The following CHD1L variants were observed in gnomAD, a reference collection of about 807,000 sequenced individuals.
The protein encoded by CHD1L is ATP-dependent chromatin remodeler CHD1L.
In CHD1L, 118 loss-of-function variants were observed where a neutral mutation model predicts 115.9. The ratio of observed to expected loss-of-function variants is 1.02; its 90% CI spans 0.88 to 1.19. The LOEUF (loss-of-function observed/expected upper bound fraction) is 1.19, where lower values mean the gene tolerates loss of function less well. Ranked by LOEUF, CHD1L falls within the 50% of genes most tolerant of loss-of-function variation. The probability of loss-of-function intolerance (pLI) is 0.00; values close to 1 mark genes in which losing one functional copy is unlikely to be tolerated. For missense variants in CHD1L, 1,179 were observed against 1,065.3 expected, an observed-to-expected ratio of 1.11 and a Z score of -1.49; for synonymous variants, 411 against 387.1, an observed-to-expected ratio of 1.06 and a Z score of -0.72.
In CHD1L at chr1:147,294,366, A is replaced by G. The variant is rs375131986; in HGVS notation, c.2507-43A>G. ...CATGTGTATTTTATACCCATCAATC[A>G]ATTTTTGATGAGTGAAGACATGTGT... On this transcript the variant is annotated intron_variant, in intron 21 of 22. Coordinates refer to ENST00000369258, the MANE Select transcript of CHD1L (RefSeq NM_004284.6). 3 of 1,444,492 alleles carry G rather than the reference A, an allele frequency of 2.1e-6. No individual in the cohort carries two copies. The African/African-American group carries it at 4.2e-5, about 20-fold the overall frequency. The allele number at this position is 1,444,492 out of a possible 1,614,324, so 89.5% of individuals were successfully genotyped here. A position where few individuals can be genotyped will look rare whatever the true frequency, so the allele number is the denominator to read the frequency against.
At chr1:147,290,539 C>T (rs11239967) in intron 19 of CHD1L, among the ~76,000 whole-genome samples, 36,818 of 152,118 alleles carry the variant, frequency 0.24, 4,849 homozygotes, top group Non-Finnish European at 0.29. Flanking sequence ...GTAAGCTTGC[C>T]AGGGCCCTTG....
intron 8 of CHD1L, among the ~76,000 whole-genome samples, chr1:147,266,945 A>G (rs1346401146): frequency 1.3e-5 from 2 of 152,212 alleles, no homozygotes; most frequent in Non-Finnish European, 2.9e-5. Context: ...CAGAATACAT[A>G]TAGGGTTTGG....
chr1:147,249,882 G>A (rs782207261), intron 1 of CHD1L, among the ~76,000 whole-genome samples: 28 of 152,044 alleles, frequency 1.8e-4, no homozygotes, highest in African/African-American at 5.3e-4. Flanking sequence ...TGAAGGTCCC[G>A]GAGGGTCATT....
chr1:147,202,176 GT>G, the CHD1L span, among the ~76,000 whole-genome samples: 1 of 151,770 alleles, frequency 6.6e-6, no homozygotes, highest in Non-Finnish European at 1.5e-5. Flanking sequence ...GCTTGTTATT[GT>G]TTCCTAGGGA....
chr1:147,287,757 G>A (rs370054537), intron 19 of CHD1L, 24 bp downstream of exon 19: 8 of 1,594,552 alleles, frequency 5.0e-6, no homozygotes, highest in Non-Finnish European at 6.9e-6. Flanking sequence ...CAGAGGGAAA[G>A]GTTAAGGGTG....
intron 12 of CHD1L, among the ~76,000 whole-genome samples, chr1:147,274,597 G>A (rs1455931714): frequency 6.6e-6 from 1 of 150,996 alleles, no homozygotes; most frequent in Non-Finnish European, 1.5e-5. Flanking sequence ...CAAAGAGAAG[G>A]CTGCAATGTA....
chr1:147,289,922 C>A (rs10900332), intron 19 of CHD1L, among the ~76,000 whole-genome samples: 33,241 of 152,104 alleles, frequency 0.22, 4,211 homozygotes, highest in Middle Eastern at 0.28. Flanking sequence ...TGCCATTCTG[C>A]GCAGAACCTT....
In CHD1L at chr1:147,260,160, G is replaced by A. The variant is rs954053998; in HGVS notation, c.576+242G>A. ...ACTGATGAACCTACATTGATACATCGCTATCACTCAAAGTCCATAGTTTAC... is the reference window on the plus strand; with the variant it reads ...ACTGATGAACCTACATTGATACATCACTATCACTCAAAGTCCATAGTTTAC... On this transcript the variant is annotated intron_variant, in intron 6 of 22. Transcript: ENST00000369258. The A allele has an allele frequency of 2.5e-5, 9 of 353,198 alleles. 1 individual carries two copies. The highest frequency in any genetic ancestry group is 8.2e-5 in the Admixed American group (2 of 24,410). The allele number at this position is 353,198 out of a possible 1,614,324, so 21.9% of individuals were successfully genotyped here.
chr1:147,197,810 C>A, the CHD1L span, among the ~76,000 whole-genome samples: 1,505 of 152,260 alleles, frequency 9.9e-3, 30 homozygotes, highest in African/African-American at 0.034. Flanking sequence ...CTCTGCATTC[C>A]AGAAAGATAG....
the CHD1L span, chr1:147,209,005 C>T: frequency 5.0e-6 from 8 of 1,614,004 alleles, no homozygotes; most frequent in African/African-American, 9.3e-5. Flanking sequence ...TCCGTAGTCC[C>T]CTACACGATT....
At chr1:147,267,322 A>G (rs186484955) in intron 8 of CHD1L, 104 bp from the exon 9 acceptor site, 113 of 731,836 alleles carry the variant, frequency 1.5e-4, no homozygotes, top group Non-Finnish European at 9.1e-6. Context: ...TTCAAAGGAT[A>G]TAATTGAAAT....
the CHD1L span, among the ~76,000 whole-genome samples, chr1:147,228,129 A>G: frequency 3.9e-5 from 6 of 151,966 alleles, no homozygotes; most frequent in African/African-American, 1.5e-4. Context: ...ATTTAATATT[A>G]GGTATATCTC....
chr1:147,216,059 C>T, the CHD1L span: 2 of 682,232 alleles, frequency 2.9e-6, no homozygotes, highest in African/African-American at 1.8e-5. Flanking sequence ...ACACACACAC[C>T]TTCCAGTATT....
rs587747157 is a variant in CHD1L, at chr1:147,246,852, A to AT, written c.127+4028dup. 8.3e-4 allele frequency among the ~76,000 whole-genome samples: 127 copies of AT among 152,138 alleles called. 1 individual carries two copies. The highest frequency in any genetic ancestry group is 3.0e-3 in the African/African-American group (124 of 41,514). On this transcript the variant is annotated intron_variant, in intron 1 of 22. Transcript: ENST00000369258. ...TTGGCTAAAATTTATCAGTTTATCA[A>AT]TTTTTTCTCTTATGGATAGTTTTCT...
chr1:147,185,561 A>G, the CHD1L span, among the ~76,000 whole-genome samples: 2 of 152,312 alleles, frequency 1.3e-5, no homozygotes, highest in African/African-American at 4.8e-5. Context: ...AATTGTTCAA[A>G]TGTTTAAATA....
chr1:147,264,309 C>A, intron 6 of CHD1L, 113 bp from the exon 7 acceptor site: 1 of 957,738 alleles, frequency 1.0e-6, no homozygotes, highest in Non-Finnish European at 1.5e-6. Context: ...CATGTCCCCT[C>A]AGTCATTTCA....
chr1:147,215,070 T>C, the CHD1L span: 2 of 152,134 alleles, frequency 1.3e-5, no homozygotes, highest in Non-Finnish European at 2.9e-5. Context: ...ATAAAATTCT[T>C]TTATGGTCAT....
intron 15 of CHD1L, among the ~76,000 whole-genome samples, chr1:147,282,079 C>A (rs1267524254): frequency 3.3e-5 from 5 of 152,154 alleles, no homozygotes; most frequent in African/African-American, 1.2e-4. Flanking sequence ...TCGATAGTTT[C>A]CCCAACCGTC....
chr1:147,263,089 TTACA>T (rs1197496866), intron 6 of CHD1L, among the ~76,000 whole-genome samples: 7 of 150,612 alleles, frequency 4.6e-5, no homozygotes, highest in African/African-American at 1.2e-4. Context: ...ATAGATACAC[TTACA>T]TACATACATA....
Sources: allele counts gnomAD v4.1 joint callset (sites outside exome capture counted in the v4.1 genomes callset), GRCh38; gene constraint gnomAD v4.1.1; transcripts MANE v1.5; gene names NCBI Gene and HGNC (gene_info 2026-07-23, HGNC 2026-07-21).